The following GRM7 variants were observed in gnomAD, a reference collection of about 807,000 sequenced individuals.
GRM7 encodes metabotropic glutamate receptor 7.
GRM7 carries 35 observed loss-of-function variants against 84.5 expected under a neutral mutation model. The ratio of observed to expected loss-of-function variants is 0.41; its 90% confidence interval spans 0.32 to 0.55. The LOEUF (loss-of-function observed/expected upper bound fraction) is 0.55, where lower values mean the gene tolerates loss of function less well. GRM7 is among the 20% of genes least tolerant of loss of function. GRM7 has a pLI of 0.19. For synonymous variants in GRM7, 487 were observed against 455.1 expected (o/e 1.07, Z -0.89); for missense variants, 1,003 against 1,194.6 (o/e 0.84, Z 2.36).
At chr3:7,126,486 A>G (rs1693405209) in intron 1 of GRM7, among the ~76,000 whole-genome samples, 2 of 152,312 alleles carry the variant, frequency 1.3e-5, no homozygotes, top group Middle Eastern at 3.4e-3. Flanking sequence ...GTCAACTTCC[A>G]TGGGAGTATG....
At chr3:7,652,611 A>G (rs1317752241) in intron 8 of GRM7, among the ~76,000 whole-genome samples, 1 of 152,174 alleles carries the variant, frequency 6.6e-6, no homozygotes, top group Admixed American at 6.5e-5. Context: ...CTGAACCTAG[A>G]TGGGACTCCA....
At chr3:7,549,837 A>G (rs1462179394) in intron 7 of GRM7, among the ~76,000 whole-genome samples, 1 of 152,208 alleles carries the variant, frequency 6.6e-6, no homozygotes, top group Non-Finnish European at 1.5e-5. Context: ...TGCATCTGTA[A>G]TGCTTGTGTT....
At chr3:7,364,003 T>C (rs1026392887) in intron 4 of GRM7, among the ~76,000 whole-genome samples, 2 of 152,076 alleles carry the variant, frequency 1.3e-5, no homozygotes, top group Non-Finnish European at 2.9e-5. Flanking sequence ...TGTTAAGAGT[T>C]GGGTGCTATG....
intron 4 of GRM7, among the ~76,000 whole-genome samples, chr3:7,400,049 C>G (rs1390737262): frequency 6.6e-6 from 1 of 152,180 alleles, no homozygotes; most frequent in Non-Finnish European, 1.5e-5. Context: ...ATCGTTAAGG[C>G]TCAATATTTG....
intron 1 of GRM7, among the ~76,000 whole-genome samples, chr3:6,982,409 T>C (rs779523250): frequency 2.0e-5 from 3 of 152,228 alleles, no homozygotes; most frequent in South Asian, 4.1e-4. Context: ...TTTTGATCAG[T>C]CATAATACAT....
intron 2 of GRM7, among the ~76,000 whole-genome samples, chr3:7,249,955 G>T (rs1464004208): frequency 3.3e-5 from 5 of 152,146 alleles, no homozygotes; most frequent in Non-Finnish European, 7.4e-5. Flanking sequence ...GAAGGGAAGA[G>T]AATACACTTT....
At chr3:6,987,854 G>A (rs73812003) in intron 1 of GRM7, among the ~76,000 whole-genome samples, 15,440 of 152,168 alleles carry the variant, frequency 0.1, 1,244 homozygotes, top group East Asian at 0.24. Context: ...CAGTGGTCTA[G>A]GCCAGGATGG....
At chr3:7,495,202 G>A (rs115656635) in intron 7 of GRM7, among the ~76,000 whole-genome samples, 1 of 152,136 alleles carries the variant, frequency 6.6e-6, no homozygotes, top group Non-Finnish European at 1.5e-5. Context: ...TTGTTTATAA[G>A]TTGCTGCTCA....
At chr3:7,263,357 C>G (rs1429066226) in intron 2 of GRM7, among the ~76,000 whole-genome samples, 2 of 152,194 alleles carry the variant, frequency 1.3e-5, no homozygotes, top group African/African-American at 4.8e-5. Flanking sequence ...TGGTGCCAGA[C>G]AAAGCACTTC....
intron 7 of GRM7, among the ~76,000 whole-genome samples, chr3:7,524,664 G>A (rs1700722474): frequency 1.2e-5 from 1 of 86,830 alleles, no homozygotes; most frequent in Non-Finnish European, 2.2e-5. Context: ...GACACTGTTG[G>A]TGGGACTGTG....
chr3:7,186,018 C>T (rs1211853106), intron 2 of GRM7, among the ~76,000 whole-genome samples: 1 of 152,112 alleles, frequency 6.6e-6, no homozygotes, highest in Admixed American at 6.5e-5. Flanking sequence ...TCAAGATCTA[C>T]AATTTTCATA....
At position 6,897,599 on chromosome 3, in the gene GRM7, C is replaced by T. The variant is rs572525753; in HGVS notation, c.519+35692C>T. Among the ~76,000 whole-genome samples the T allele has an allele frequency of 1.7e-3, 266 of 152,298 alleles. 1 individual carries two copies. Among genetic ancestry groups the T allele is most frequent in the Middle Eastern group, 6.8e-3 (2 of 294 alleles). Reference sequence around the variant, plus strand: ...TGCATTCAGGAGAGTGCCTGAAACACAGTACGTGTTCAATAAATGCTAGCT... The same window carrying T: ...TGCATTCAGGAGAGTGCCTGAAACATAGTACGTGTTCAATAAATGCTAGCT... On this transcript the variant is annotated intron_variant, in intron 1 of 9. Coordinates refer to ENST00000357716, the MANE Select transcript of GRM7 (RefSeq NM_000844.4).
chr3:7,355,846 C>T (rs191474384), intron 4 of GRM7, among the ~76,000 whole-genome samples: 1 of 152,226 alleles, frequency 6.6e-6, no homozygotes, highest in East Asian at 1.9e-4. Context: ...TTCTCTCTCC[C>T]AGTCTGCACC....
At chr3:6,879,401 C>T (rs920236441) in intron 1 of GRM7, among the ~76,000 whole-genome samples, 6 of 152,072 alleles carry the variant, frequency 3.9e-5, no homozygotes, top group Non-Finnish European at 7.4e-5. Flanking sequence ...TGTTTTGTGG[C>T]GATACATTTG....
intron 4 of GRM7, among the ~76,000 whole-genome samples, chr3:7,386,824 T>A (rs1036548651): frequency 1.3e-5 from 2 of 152,188 alleles, no homozygotes; most frequent in Admixed American, 6.5e-5. Flanking sequence ...ATTCTGTTTC[T>A]TGTCCTTTGA....
chr3:7,652,379 G>C (rs1559465760), intron 8 of GRM7, among the ~76,000 whole-genome samples: 1 of 152,180 alleles, frequency 6.6e-6, no homozygotes, highest in African/African-American at 2.4e-5. Flanking sequence ...GGGCCACTTT[G>C]GGTGGGTTTA....
chr3:7,566,110 T>TTTTG (rs1484796189), intron 7 of GRM7, among the ~76,000 whole-genome samples: 157 of 27,496 alleles, frequency 5.7e-3, no homozygotes, highest in East Asian at 0.032. Context: ...GCTGTTTTTT[T>TTTTG]TTTTTTTTTT....
Position 7,298,739 on chromosome 3 carries a change from C to G in GRM7, c.792C>G (p.Thr264=). 6.2e-7 allele frequency: 1 copy of G among 1,612,956 alleles called. No homozygotes were observed. Residue 264 remains threonine, a synonymous_variant, in exon 3 of 10, where the codon ACC becomes ACG. Transcript: ENST00000357716. ...TCCCCCAGGAACGCAAAGACAGGAC[C>G]ATTGACTTTGATAGAATTATCAAAC... is the stretch of plus-strand genomic sequence containing the variant. The part of the protein sequence containing the change: ...VRIPQERKDR[T]IDFDRIIKQL...
At chr3:7,412,586 A>T (rs1695988014) in intron 4 of GRM7, among the ~76,000 whole-genome samples, 1 of 152,174 alleles carries the variant, frequency 6.6e-6, no homozygotes, top group Admixed American at 6.5e-5. Flanking sequence ...AAAAGAGGAA[A>T]GAACCAGATT....
Sources: allele counts gnomAD v4.1 joint callset (sites outside exome capture counted in the v4.1 genomes callset), GRCh38; gene constraint gnomAD v4.1.1; transcripts MANE v1.5; gene names NCBI Gene and HGNC (gene_info 2026-07-23, HGNC 2026-07-21).